The following DLG2 variants were observed in gnomAD, a reference collection of about 807,000 sequenced individuals.
DLG2 encodes the protein disks large homolog 2.
Under a neutral mutation model 132.5 loss-of-function variants are expected in DLG2, and 45 were observed. The ratio of observed to expected loss-of-function variants is 0.34; its 90% CI spans 0.27 to 0.44. The LOEUF (loss-of-function observed/expected upper bound fraction) is 0.44, where lower values mean the gene tolerates loss of function less well. DLG2 is among the 20% of genes least tolerant of loss of function. The pLI, the probability that DLG2 is intolerant of heterozygous loss-of-function variation, is 1.00. For missense variants in DLG2, 1,045 were observed against 1,196.9 expected, an observed-to-expected ratio of 0.87 and a Z score of 1.87; for synonymous variants, 424 against 419.6, an observed-to-expected ratio of 1.01 and a Z score of -0.13.
At chr11:85,445,360 GCCCATTGTGATAGGAGT>G (rs1019928124) in intron 3 of DLG2, among the ~76,000 whole-genome samples, 9 of 152,138 alleles carry the variant, frequency 5.9e-5, no homozygotes, top group Non-Finnish European at 1.5e-5. Flanking sequence ...CCACAACAAA[GCCCATTGTGATAGGAGT>G]CTCAAAATTG....
In DLG2 at chr11:84,803,846, T is replaced by C. The variant is rs77687160; in HGVS notation, c.358-269115A>G. 5.1e-4 allele frequency among the ~76,000 whole-genome samples: 78 copies of C among 152,304 alleles called. No individual in the cohort carries two copies. The East Asian group carries it at 0.014, about 27-fold the overall frequency. On this transcript the variant is annotated intron_variant, in intron 6 of 27. Coordinates refer to ENST00000376104, the MANE Select transcript of DLG2 (RefSeq NM_001142699.3). ...ATGTTTCTCTATCTGAAATGTTGCT[T>C]TCTGACTTCTTCATGAGAACAGAGA...
At chr11:83,608,082 T>C (rs1020467714) in intron 19 of DLG2, among the ~76,000 whole-genome samples, 12 of 152,316 alleles carry the variant, frequency 7.9e-5, no homozygotes, top group African/African-American at 2.9e-4. Context: ...TTAAAATCCA[T>C]TGATCCATGC....
At chr11:85,236,963 T>C (rs577536567) in intron 4 of DLG2, among the ~76,000 whole-genome samples, 2 of 152,030 alleles carry the variant, frequency 1.3e-5, no homozygotes, top group Non-Finnish European at 2.9e-5. Context: ...CAGCAGAAAC[T>C]CATGTTTTAA....
chr11:84,626,195 A>G (rs909785894), intron 6 of DLG2, among the ~76,000 whole-genome samples: 2 of 152,252 alleles, frequency 1.3e-5, no homozygotes, highest in Non-Finnish European at 2.9e-5. Flanking sequence ...TTAAAAGAAC[A>G]TATGTATAAC....
chr11:83,595,232 C>T (rs1159822236), intron 19 of DLG2, among the ~76,000 whole-genome samples: 1 of 152,132 alleles, frequency 6.6e-6, no homozygotes, highest in Non-Finnish European at 1.5e-5. Context: ...AGCATTGCTG[C>T]ACTGGGGTTT....
At chr11:84,521,941 A>C (rs2099302921) in intron 7 of DLG2, among the ~76,000 whole-genome samples, 1 of 152,154 alleles carries the variant, frequency 6.6e-6, no homozygotes, top group African/African-American at 2.4e-5. Flanking sequence ...TGGGCAGATC[A>C]CCTGAGGTCA....
chr11:85,228,051 C>G (rs1415930572), intron 4 of DLG2, among the ~76,000 whole-genome samples: 1 of 151,970 alleles, frequency 6.6e-6, no homozygotes, highest in African/African-American at 2.4e-5. Context: ...TCCTAAATAT[C>G]TTTATTTTTT....
Position 83,743,449 on chromosome 11 carries a change from T to TTTA in DLG2, c.1825+43240_1825+43241insTAA, listed in dbSNP as rs1555372680. Reference sequence around the variant, plus strand: ...AGGCCATTTTTTTTTTTTTTTTTTTTATGACAGGGTCTCACTTTGTCACCC... The same window carrying TTTA: ...AGGCCATTTTTTTTTTTTTTTTTTTTTTAATGACAGGGTCTCACTTTGTCACCC... On this transcript the variant is annotated intron_variant, in intron 18 of 27. Coordinates refer to ENST00000376104, the MANE Select transcript of DLG2 (RefSeq NM_001142699.3). Among the ~76,000 whole-genome samples, 31 of 124,094 alleles carry TTTA rather than the reference T, an allele frequency of 2.5e-4. 9 individuals are homozygous for TTTA. Among genetic ancestry groups the TTTA allele is most frequent in the African/African-American group, 1.2e-3 (30 of 24,110 alleles). The allele number at this position is 124,094 out of a possible 152,430, so 81.4% of individuals were successfully genotyped here. A position where few individuals can be genotyped will look rare whatever the true frequency, so the allele number is the denominator to read the frequency against.
chr11:85,020,860 C>T (rs745739127), intron 6 of DLG2: 1 of 758,906 alleles, frequency 1.3e-6, no homozygotes, highest in Non-Finnish European at 2.5e-6. Flanking sequence ...TCATTGTCAT[C>T]ATCCAGTAGG....
At chr11:84,789,687 T>G (rs2073503625) in intron 6 of DLG2, among the ~76,000 whole-genome samples, 1 of 152,162 alleles carries the variant, frequency 6.6e-6, no homozygotes, top group African/African-American at 2.4e-5. Flanking sequence ...TTTCTATTTT[T>G]TTAACCATTA....
chr11:84,024,846 C>T (rs551015290), intron 11 of DLG2, among the ~76,000 whole-genome samples: 11 of 151,010 alleles, frequency 7.3e-5, no homozygotes, highest in Middle Eastern at 3.4e-3. Flanking sequence ...TTGCCAAACC[C>T]GGTGAATATA....
At chr11:85,305,087 G>C (rs2079851772) in intron 3 of DLG2, among the ~76,000 whole-genome samples, 2 of 152,196 alleles carry the variant, frequency 1.3e-5, no homozygotes, top group South Asian at 4.1e-4. Flanking sequence ...TTAGGGAATA[G>C]AGTAAGGGAT....
At chr11:84,883,310 G>A (rs1205161919) in intron 6 of DLG2, among the ~76,000 whole-genome samples, 1 of 151,862 alleles carries the variant, frequency 6.6e-6, no homozygotes, top group Non-Finnish European at 1.5e-5. Flanking sequence ...GGCCTGTTAG[G>A]GGGTGGGGGA....
intron 18 of DLG2, among the ~76,000 whole-genome samples, chr11:83,709,249 GTA>G (rs1162231235): frequency 3.4e-5 from 5 of 145,436 alleles, no homozygotes; most frequent in Middle Eastern, 3.6e-3. Context: ...GTGTGTGTGT[GTA>G]TATGTGTGTA....
chr11:84,130,505 T>TATACAC (rs1417958149), intron 9 of DLG2, among the ~76,000 whole-genome samples: 6 of 116,862 alleles, frequency 5.1e-5, no homozygotes, highest in African/African-American at 2.2e-4. Context: ...TATATATATA[T>TATACAC]ACACACACAC....
chr11:83,790,632 G>A, intron 17 of DLG2: 1 of 1,274,596 alleles, frequency 7.8e-7, no homozygotes, highest in Non-Finnish European at 1.1e-6. Flanking sequence ...ATTTTGCATT[G>A]GAGGTAGCAA....
At chr11:84,442,031 T>C (rs1368044166) in intron 7 of DLG2, among the ~76,000 whole-genome samples, 4 of 152,210 alleles carry the variant, frequency 2.6e-5, no homozygotes, top group Admixed American at 6.5e-5. Flanking sequence ...TCTTATAGTA[T>C]AGTTTGAAAT....
At chr11:85,298,182 C>T (rs1162767747) in intron 3 of DLG2, among the ~76,000 whole-genome samples, 1 of 151,912 alleles carries the variant, frequency 6.6e-6, no homozygotes, top group African/African-American at 2.4e-5. Context: ...TTGAATCTAT[C>T]AGAAAAGAGA....
intron 7 of DLG2, among the ~76,000 whole-genome samples, chr11:84,516,131 A>AG (rs1195736144): frequency 1.3e-5 from 2 of 151,412 alleles, no homozygotes; most frequent in African/African-American, 4.8e-5. Flanking sequence ...TACATCAAAA[A>AG]AAAAGATCTC....
Sources: allele counts gnomAD v4.1 joint callset (sites outside exome capture counted in the v4.1 genomes callset), GRCh38; gene constraint gnomAD v4.1.1; transcripts MANE v1.5; gene names NCBI Gene and HGNC (gene_info 2026-07-23, HGNC 2026-07-21).